Variants in CNTN5 observed in about 807,000 individuals in gnomAD.
CNTN5 encodes contactin-5.
In CNTN5, 77 loss-of-function variants were observed where a neutral mutation model predicts 129.1. That is an observed-to-expected ratio of 0.60 (90% confidence interval 0.50 to 0.72). The LOEUF (loss-of-function observed/expected upper bound fraction) is 0.72. Ranked by LOEUF, CNTN5 falls within the 30% of genes least tolerant of loss-of-function variation. CNTN5 has a pLI of 0.00. For missense variants in CNTN5, 1,478 were observed against 1,328.8 expected (o/e 1.11, Z -1.75); for synonymous variants, 509 against 465.6 (o/e 1.09, Z -1.20).
intron 20 of CNTN5, among the ~76,000 whole-genome samples, chr11:100,302,811 T>C (rs1166257853): frequency 6.6e-6 from 1 of 151,598 alleles, no homozygotes; most frequent in Non-Finnish European, 1.5e-5. Flanking sequence ...CTCTATCCCT[T>C]TCTTTTCCTC....
At chr11:99,221,926 T>C (rs1393195760) in intron 1 of CNTN5, among the ~76,000 whole-genome samples, 1 of 151,944 alleles carries the variant, frequency 6.6e-6, no homozygotes, top group Non-Finnish European at 1.5e-5. Context: ...CTGGAATATA[T>C]GACCAGGAAA....
intron 1 of CNTN5, among the ~76,000 whole-genome samples, chr11:99,027,820 G>T (rs1436558005): frequency 6.6e-6 from 1 of 151,622 alleles, no homozygotes; most frequent in African/African-American, 2.4e-5. Flanking sequence ...GTGTTTGGGG[G>T]AATGAATTCA....
intron 1 of CNTN5, among the ~76,000 whole-genome samples, chr11:99,091,751 G>T (rs555940531): frequency 6.6e-6 from 1 of 152,168 alleles, no homozygotes; most frequent in Non-Finnish European, 1.5e-5. Context: ...AGGCTGGTTG[G>T]CAACAGAACT....
chr11:99,961,104 C>A (rs1950930221), intron 8 of CNTN5, among the ~76,000 whole-genome samples: 1 of 147,564 alleles, frequency 6.8e-6, no homozygotes, highest in Non-Finnish European at 1.5e-5. Flanking sequence ...ACCCGGGAGG[C>A]TGAGACAGGA....
At chr11:99,224,657 A>ATTTTTTTTTTTT (rs3082693) in intron 1 of CNTN5, among the ~76,000 whole-genome samples, 5 of 108,970 alleles carry the variant, frequency 4.6e-5, no homozygotes, top group African/African-American at 7.2e-5. Context: ...CCAAGGTTGC[A>ATTTTTTTTTTTT]TTTTTTTTTT....
chr11:99,863,212 C>CA (rs1565616913), intron 6 of CNTN5, among the ~76,000 whole-genome samples: 1 of 151,694 alleles, frequency 6.6e-6, no homozygotes, highest in African/African-American at 2.4e-5. Context: ...AACTGGAGCC[C>CA]AATATAATGA....
intron 16 of CNTN5, among the ~76,000 whole-genome samples, chr11:100,250,425 A>G (rs1949940525): frequency 6.7e-6 from 1 of 148,680 alleles, no homozygotes; most frequent in Admixed American, 6.7e-5. Context: ...ACAAATATTT[A>G]TTGAGGGTCT....
At chr11:100,312,913 T>C (rs1007895747) in intron 21 of CNTN5, among the ~76,000 whole-genome samples, 2 of 152,022 alleles carry the variant, frequency 1.3e-5, no homozygotes, top group African/African-American at 4.8e-5. Context: ...GAAAACATTT[T>C]TTTTAAAAAT....
Position 99,455,559 on chromosome 11 carries a change from A to G in CNTN5, c.-70-100586A>G, listed in dbSNP as rs115997510. On this transcript the variant is annotated intron_variant, in intron 2 of 24. Transcript: ENST00000524871. ...GCTGTTGTCGAAATCAAATTCTAAG[A>G]GGAAAGTTGTGGTCAATAGTGTCAC... Among the ~76,000 whole-genome samples, 1,193 of 152,230 alleles carry G rather than the reference A, an allele frequency of 7.8e-3. 21 individuals carry two copies. The highest frequency in any genetic ancestry group is 0.027 in the African/African-American group (1,113 of 41,542).
At chr11:99,550,567 G>A (rs993665236) in intron 2 of CNTN5, among the ~76,000 whole-genome samples, 3 of 151,976 alleles carry the variant, frequency 2.0e-5, no homozygotes, top group African/African-American at 4.8e-5. Flanking sequence ...TAAGGTCCAC[G>A]GAAAAAGAGA....
At chr11:100,293,854 G>A (rs1439213061) in intron 18 of CNTN5, among the ~76,000 whole-genome samples, 1 of 151,678 alleles carries the variant, frequency 6.6e-6, no homozygotes, top group Non-Finnish European at 1.5e-5. Flanking sequence ...TGGGCGGGTT[G>A]GGGGATGGTG....
chr11:100,345,597 C>T (rs1952262951), intron 23 of CNTN5, among the ~76,000 whole-genome samples: 1 of 150,258 alleles, frequency 6.7e-6, no homozygotes. Context: ...AAAGAGGTTT[C>T]CCTATCACAA....
chr11:99,241,318 G>GTTTTTTTTTTTTTTTTT (rs10648459), intron 1 of CNTN5, among the ~76,000 whole-genome samples: 13 of 88,044 alleles, frequency 1.5e-4, no homozygotes, highest in East Asian at 6.9e-4. Context: ...TTGATTGTTG[G>GTTTTTTTTTTTTTTTTT]TTTTTTTTTT....
chr11:100,000,841 G>T (rs1939819130), intron 8 of CNTN5, among the ~76,000 whole-genome samples: 1 of 152,156 alleles, frequency 6.6e-6, no homozygotes, highest in Admixed American at 6.5e-5. Context: ...CATGGAATTT[G>T]CCAAGGCTTG....
intron 3 of CNTN5, among the ~76,000 whole-genome samples, chr11:99,576,797 C>G (rs1342671251): frequency 6.6e-6 from 1 of 152,116 alleles, no homozygotes; most frequent in Non-Finnish European, 1.5e-5. Context: ...AGCAGGGCAG[C>G]TCTCTGGGGC....
At chr11:100,318,055 C>A (rs1951603484) in intron 21 of CNTN5, among the ~76,000 whole-genome samples, 1 of 151,912 alleles carries the variant, frequency 6.6e-6, no homozygotes, top group East Asian at 1.9e-4. Context: ...TCCTGGCTAA[C>A]ACAGTGAAAC....
At chr11:99,044,190 T>C (rs2135149412) in intron 1 of CNTN5, among the ~76,000 whole-genome samples, 1 of 152,206 alleles carries the variant, frequency 6.6e-6, no homozygotes, top group Non-Finnish European at 1.5e-5. Context: ...ATTTGTGGGG[T>C]CTGGGACAAG....
chr11:99,312,159 A>G (rs910034263), intron 1 of CNTN5, among the ~76,000 whole-genome samples: 3 of 152,220 alleles, frequency 2.0e-5, no homozygotes, highest in Admixed American at 2.0e-4. Flanking sequence ...CATCAATCCA[A>G]CAACAAAGCA....
In CNTN5 at chr11:100,286,188, C is replaced by A. The variant is rs566079748; in HGVS notation, c.2315-11437C>A. On this transcript the variant is annotated intron_variant, in intron 18 of 24. Coordinates refer to ENST00000524871, the MANE Select transcript of CNTN5 (RefSeq NM_014361.4). ...GCAGCCAGGCTGGGGGAGGGGCGCC[C>A]GCCATTGCCCAGGCTTGCTTAGGTA... Among the ~76,000 whole-genome samples, 122 of 152,294 alleles carry A rather than the reference C, an allele frequency of 8.0e-4. 3 individuals are homozygous for A. The South Asian group carries it at 0.025, about 31-fold the overall frequency.
Sources: allele counts gnomAD v4.1 joint callset (sites outside exome capture counted in the v4.1 genomes callset), GRCh38; gene constraint gnomAD v4.1.1; transcripts MANE v1.5; gene names NCBI Gene and HGNC (gene_info 2026-07-23, HGNC 2026-07-21).